Variants in PRKN observed in about 807,000 individuals in gnomAD.
PRKN encodes parkin RBR E3 ubiquitin protein ligase.
In PRKN, 56 loss-of-function variants were observed where a neutral mutation model predicts 59.5. The observed-to-expected ratio is 0.94, with a 90% CI of 0.76 to 1.18. The LOEUF (loss-of-function observed/expected upper bound fraction) is 1.18, where lower values mean the gene tolerates loss of function less well. Among genes scored for constraint, PRKN ranks in the 50% most tolerant of loss-of-function variants. The pLI is 0.00. For missense variants in PRKN, 657 were observed against 596.4 expected, an observed-to-expected ratio of 1.10 and a Z score of -1.06; for synonymous variants, 250 against 222.1, an observed-to-expected ratio of 1.13 and a Z score of -1.12.
At chr6:162,074,698 A>G (rs1317573433) in intron 4 of PRKN, among the ~76,000 whole-genome samples, 1 of 152,204 alleles carries the variant, frequency 6.6e-6, no homozygotes, top group African/African-American at 2.4e-5. Context: ...GTCCTCCACG[A>G]AAATGCAGCT....
chr6:161,537,687 G>A (rs558868540), intron 9 of PRKN, among the ~76,000 whole-genome samples: 225 of 152,236 alleles, frequency 1.5e-3, no homozygotes, highest in Non-Finnish European at 2.1e-3. Context: ...TCCTGACCTC[G>A]TGATCCGCCC....
chr6:161,391,663 C>CTT lies in PRKN; in HGVS notation c.1084-4788_1084-4787dup, dbSNP rs1231848690. ...AATCTTGGTGTTTCTGTGAAGCTTT[C>CTT]TTGTAGATGTGACTAGGATCTATAA... On this transcript the variant is annotated intron_variant, in intron 9 of 11. Transcript: ENST00000366898. This position sits in a 1 kb window ranked among gnomAD's most constrained non-coding sequence, Gnocchi z 4.9. 6.6e-6 allele frequency among the ~76,000 whole-genome samples: 1 copy of CTT among 151,968 alleles called. No individual in the cohort carries two copies. Among genetic ancestry groups the CTT allele is most frequent in the African/African-American group, 2.4e-5 (1 of 41,294 alleles).
At position 162,404,379 on chromosome 6, in the gene PRKN, AAAAG is replaced by A. The variant is rs541062206; in HGVS notation, c.171+38927_171+38930del. On this transcript the variant is annotated intron_variant, in intron 2 of 11. Coordinates refer to ENST00000366898, the MANE Select transcript of PRKN (RefSeq NM_004562.3). Reference sequence around the variant, plus strand: ...AGTGAGACTCTGTCAGAAAAAAAAAAAAAGAAAGAAAGAAAGAAAGAAAATCCTT... The same window carrying A: ...AGTGAGACTCTGTCAGAAAAAAAAAAAAAGAAAGAAAGAAAGAAAATCCTT... Among the ~76,000 whole-genome samples the A allele has an allele frequency of 2.8e-3, 424 of 151,802 alleles. 2 individuals carry two copies. Among genetic ancestry groups the A allele is most frequent in the Non-Finnish European group, 3.3e-3 (224 of 67,926 alleles).
At chr6:162,662,008 A>G (rs1359749178) in intron 1 of PRKN, among the ~76,000 whole-genome samples, 4 of 151,868 alleles carry the variant, frequency 2.6e-5, no homozygotes, top group Admixed American at 1.3e-4. Context: ...TTATTCCACT[A>G]TGTCCATGTG....
chr6:162,704,016 C>A (rs1430063063), intron 1 of PRKN, among the ~76,000 whole-genome samples: 1 of 152,138 alleles, frequency 6.6e-6, no homozygotes, highest in Non-Finnish European at 1.5e-5. Context: ...AATTAAGCGC[C>A]TTAGCTAAGA....
chr6:161,949,689 G>A (rs986087079), intron 6 of PRKN, among the ~76,000 whole-genome samples: 1 of 152,144 alleles, frequency 6.6e-6, no homozygotes, highest in African/African-American at 2.4e-5. Flanking sequence ...CCAAGACAGA[G>A]CACTCTCTGT....
At chr6:162,101,797 T>C (rs1307119062) in intron 4 of PRKN, among the ~76,000 whole-genome samples, 1 of 152,222 alleles carries the variant, frequency 6.6e-6, no homozygotes, top group Non-Finnish European at 1.5e-5. Context: ...GGTAGTGTGA[T>C]GCCTCCAGCT....
chr6:162,336,835 C>G (rs1290082939), intron 2 of PRKN, among the ~76,000 whole-genome samples: 1 of 152,150 alleles, frequency 6.6e-6, no homozygotes. Flanking sequence ...TTCAAAGGTA[C>G]TGGTGAGTCC....
At chr6:162,141,980 A>C (rs7748369) in intron 4 of PRKN, among the ~76,000 whole-genome samples, 23,206 of 152,066 alleles carry the variant, frequency 0.15, 2,113 homozygotes, top group African/African-American at 0.25. Context: ...CACCATTGTA[A>C]GCTGTCCCGT....
chr6:162,446,774 A>T (rs765136991), intron 1 of PRKN, among the ~76,000 whole-genome samples: 5 of 152,142 alleles, frequency 3.3e-5, no homozygotes, highest in Non-Finnish European at 7.4e-5. Context: ...ATGTGATTTG[A>T]GTGGGTCTCA....
At chr6:162,049,210 C>T (rs546622894) in intron 5 of PRKN, among the ~76,000 whole-genome samples, 3 of 151,918 alleles carry the variant, frequency 2.0e-5, no homozygotes, top group Admixed American at 6.6e-5. Flanking sequence ...ATATTAGGAA[C>T]ACTGCTATTT....
At chr6:161,951,664 C>T (rs1182024063) in intron 6 of PRKN, among the ~76,000 whole-genome samples, 2 of 152,184 alleles carry the variant, frequency 1.3e-5, no homozygotes, top group Non-Finnish European at 2.9e-5. Flanking sequence ...GCCTGTTATC[C>T]CAGCACTTCG....
chr6:162,691,065 A>C (rs1253797358), intron 1 of PRKN, among the ~76,000 whole-genome samples: 3 of 152,096 alleles, frequency 2.0e-5, no homozygotes, highest in Non-Finnish European at 4.4e-5. Context: ...ATCTTTTTCA[A>C]AATAGAATTT....
At chr6:162,391,238 T>C (rs1053751108) in intron 2 of PRKN, among the ~76,000 whole-genome samples, 7 of 152,010 alleles carry the variant, frequency 4.6e-5, no homozygotes, top group Middle Eastern at 3.4e-3. Context: ...GGAAGATAAT[T>C]TTCTTACTGC....
rs1156769969 is a variant in PRKN at position 161,764,964 on chromosome 6, T to C, written c.871+20808A>G. 5.9e-5 allele frequency among the ~76,000 whole-genome samples: 9 copies of C among 152,236 alleles called. 1 individual carries two copies. Among genetic ancestry groups the C allele is most frequent in the Non-Finnish European group, 1.3e-4 (9 of 68,046 alleles). On this transcript the variant is annotated intron_variant, in intron 7 of 11. Coordinates refer to ENST00000366898, the MANE Select transcript of PRKN (RefSeq NM_004562.3). ...GAGCTCTGACAAATATGCCTCCTAC[T>C]ACCACACCAGGTTCCTTTGCAAACA...
At chr6:161,828,966 C>T (rs1792361747) in intron 6 of PRKN, among the ~76,000 whole-genome samples, 1 of 151,926 alleles carries the variant, frequency 6.6e-6, no homozygotes, top group Non-Finnish European at 1.5e-5. Context: ...ACGGCTCACA[C>T]CTGTAATCCC....
intron 9 of PRKN, among the ~76,000 whole-genome samples, chr6:161,432,509 C>A (rs1788694590): frequency 6.6e-6 from 1 of 151,374 alleles, no homozygotes; most frequent in Non-Finnish European, 1.5e-5. Context: ...ATTACAGGCG[C>A]CCGCCATCAC....
intron 7 of PRKN, among the ~76,000 whole-genome samples, chr6:161,695,830 T>G (rs1476604257): frequency 1.3e-5 from 2 of 152,140 alleles, no homozygotes; most frequent in Non-Finnish European, 2.9e-5. Flanking sequence ...TGAGGAGGTG[T>G]TTTTCAATTC....
chr6:161,786,015 C>G (rs1790405957), intron 6 of PRKN, 107 bp from the exon 7 acceptor site: 5 of 1,121,752 alleles, frequency 4.5e-6, no homozygotes, highest in Non-Finnish European at 6.6e-6. Context: ...AGACTGTGCT[C>G]TGTGCAAAGA....
Sources: gnomAD v4.1 joint callset for allele counts (sites outside exome capture counted in the v4.1 genomes callset) on GRCh38, gnomAD v4.1.1 for gene constraint, Gnocchi (gnomAD v3.1) non-coding constraint, MANE v1.5 for transcripts, NCBI Gene and HGNC (gene_info 2026-07-23, HGNC 2026-07-21) for gene names.